Variants in VTI1A observed in about 807,000 individuals in gnomAD.
VTI1A encodes vesicle transport through interaction with t-SNAREs homolog 1A.
A neutral mutation model predicts 34.9 loss-of-function variants in VTI1A; 22 were observed. That is an observed-to-expected ratio of 0.63 (90% CI 0.45 to 0.90). The LOEUF (loss-of-function observed/expected upper bound fraction) is 0.90, where lower values mean the gene tolerates loss of function less well. VTI1A is among the 40% of genes least tolerant of loss of function. The pLI, the probability that VTI1A is intolerant of heterozygous loss-of-function variation, is 0.00. For missense variants in VTI1A, 268 were observed against 275.6 expected, an observed-to-expected ratio of 0.97 and a Z score of 0.20; for synonymous variants, 87 against 97.3, an observed-to-expected ratio of 0.89 and a Z score of 0.62.
rs557629550 is a variant in VTI1A, at chr10:112,657,925, C to T, written c.428-10293C>T. The stretch of plus-strand genomic sequence containing the variant: ...ATGCATGTTTGTTTTCTTTTTAATT[C>T]GTTTTTGTTGTTGTTAATGCAAAGA... On this transcript the variant is annotated intron_variant, in intron 5 of 7. Transcript: ENST00000393077. Among the ~76,000 whole-genome samples, 18 of 151,752 alleles carry T rather than the reference C, an allele frequency of 1.2e-4. No individual in the cohort carries two copies. The South Asian group carries it at 1.9e-3, about 16-fold the overall frequency.
intron 4 of VTI1A, among the ~76,000 whole-genome samples, chr10:112,530,813 T>TA (rs1308752907): frequency 6.6e-6 from 1 of 152,092 alleles, no homozygotes; most frequent in Non-Finnish European, 1.5e-5. Context: ...AAGGTCGGTA[T>TA]CATTTCATAT....
At chr10:112,736,709 T>C in intron 7 of VTI1A, 1 of 1,551,802 alleles carries the variant, frequency 6.4e-7, no homozygotes, top group Non-Finnish European at 8.7e-7. Flanking sequence ...AGGATTTCTC[T>C]TCACTGTTCA....
chr10:112,762,080 T>C (rs902487697), intron 7 of VTI1A, among the ~76,000 whole-genome samples: 9 of 152,172 alleles, frequency 5.9e-5, no homozygotes, highest in African/African-American at 2.2e-4. Flanking sequence ...AAAATCTCTC[T>C]TAAATAAAAA....
intron 7 of VTI1A, among the ~76,000 whole-genome samples, chr10:112,694,558 G>A (rs1848717567): frequency 1.3e-5 from 2 of 152,028 alleles, no homozygotes; most frequent in Non-Finnish European, 2.9e-5. Flanking sequence ...CCTCTGAATG[G>A]CAGAGTTAGT....
At chr10:112,476,566 G>GTGA (rs150917021) in intron 3 of VTI1A, among the ~76,000 whole-genome samples, 5 of 152,284 alleles carry the variant, frequency 3.3e-5, no homozygotes, top group Non-Finnish European at 7.4e-5. Context: ...AGGCCTTAAG[G>GTGA]TGATGGCTCA....
the VTI1A span, among the ~76,000 whole-genome samples, chr10:112,828,907 A>G: frequency 3.3e-5 from 5 of 151,916 alleles, no homozygotes; most frequent in Non-Finnish European, 5.9e-5. Context: ...ACATGGCACC[A>G]GGATCATGAA....
chr10:112,768,374 A>G (rs1161304774), intron 7 of VTI1A, among the ~76,000 whole-genome samples: 9 of 152,182 alleles, frequency 5.9e-5, no homozygotes. Context: ...CATAAGACCA[A>G]AATAGAAGAC....
chr10:112,811,889 G>A (rs1275655731), intron 7 of VTI1A, among the ~76,000 whole-genome samples: 1 of 152,160 alleles, frequency 6.6e-6, no homozygotes, highest in Admixed American at 6.5e-5. Flanking sequence ...GCCACACGCA[G>A]GAGCTCGTTT....
intron 5 of VTI1A, among the ~76,000 whole-genome samples, chr10:112,619,678 C>G (rs1369668854): frequency 1.3e-5 from 2 of 152,220 alleles, no homozygotes; most frequent in African/African-American, 4.8e-5. Context: ...CTCCTCGTGA[C>G]TAGACACAGC....
intron 5 of VTI1A, among the ~76,000 whole-genome samples, chr10:112,598,773 C>G (rs997854821): frequency 4.6e-5 from 7 of 152,136 alleles, no homozygotes; most frequent in Non-Finnish European, 1.0e-4. Flanking sequence ...TTTAAATAAG[C>G]TGGACTCATG....
At chr10:112,642,982 T>C (rs1846633550) in intron 5 of VTI1A, among the ~76,000 whole-genome samples, 1 of 147,566 alleles carries the variant, frequency 6.8e-6, no homozygotes, top group Non-Finnish European at 1.5e-5. Context: ...CTTTTCTTTT[T>C]TTTTTTTTTT....
intron 7 of VTI1A, among the ~76,000 whole-genome samples, chr10:112,763,082 G>A (rs1016182661): frequency 6.6e-6 from 1 of 152,052 alleles, no homozygotes; most frequent in Non-Finnish European, 1.5e-5. Flanking sequence ...GTACCAGTTT[G>A]GTGAGTAGAG....
intron 4 of VTI1A, among the ~76,000 whole-genome samples, chr10:112,537,914 G>A (rs117983353): frequency 6.6e-6 from 1 of 152,124 alleles, no homozygotes; most frequent in Non-Finnish European, 1.5e-5. Flanking sequence ...ATCTATGCAA[G>A]TATCTCATAT....
At chr10:112,481,125 G>A (rs1047809529) in intron 3 of VTI1A, among the ~76,000 whole-genome samples, 1 of 152,088 alleles carries the variant, frequency 6.6e-6, no homozygotes, top group African/African-American at 2.4e-5. Flanking sequence ...CATATGGGTT[G>A]CAGTGCCATT....
chr10:112,711,239 A>G lies in VTI1A; in HGVS notation c.560+42241A>G, dbSNP rs184292550. 1.1e-3 allele frequency among the ~76,000 whole-genome samples: 166 copies of G among 152,318 alleles called. No homozygotes were observed. In the South Asian group the frequency reaches 0.011, roughly 10 times the overall value. On this transcript the variant is annotated intron_variant, in intron 7 of 7. Coordinates refer to ENST00000393077, the MANE Select transcript of VTI1A (RefSeq NM_145206.4). ...TAATTTGGCGAAATCCCAAATCATCAGATTGTGCAGAATAGCCCTTACCAA... is the reference window on the plus strand; with the variant it reads ...TAATTTGGCGAAATCCCAAATCATCGGATTGTGCAGAATAGCCCTTACCAA...
chr10:112,707,671 C>CT (rs1849249485), intron 7 of VTI1A, among the ~76,000 whole-genome samples: 2 of 152,164 alleles, frequency 1.3e-5, no homozygotes, highest in African/African-American at 4.8e-5. Flanking sequence ...ATTCTCCTCC[C>CT]TTTTATGTAT....
chr10:112,818,299 A>T lies in VTI1A; in HGVS notation c.*2916A>T, dbSNP rs1388142329. On this transcript the variant is annotated 3_prime_UTR_variant, in exon 8 of 8. Coordinates refer to ENST00000393077, the MANE Select transcript of VTI1A (RefSeq NM_145206.4). ...GTAAAGAAATAAAGAGGGGGAAAAA[A>T]GCCTGCCTGTTCCAAAAACCTCATC... is the stretch of plus-strand genomic sequence containing the variant. 8.6e-6 allele frequency: 2 copies of T among 232,818 alleles called. No homozygotes were observed. Among genetic ancestry groups the T allele is most frequent in the Non-Finnish European group, 1.7e-5 (2 of 117,628 alleles). The allele number at this position is 232,818 out of a possible 1,614,324, so 14.4% of individuals were successfully genotyped here.
intron 5 of VTI1A, among the ~76,000 whole-genome samples, chr10:112,582,292 G>GTCA (rs1843980666): frequency 6.6e-6 from 1 of 152,122 alleles, no homozygotes; most frequent in African/African-American, 2.4e-5. Flanking sequence ...GACCTCCCCA[G>GTCA]TGTGCATTCT....
intron 2 of VTI1A, among the ~76,000 whole-genome samples, chr10:112,462,171 A>G (rs1437804774): frequency 6.6e-6 from 1 of 152,192 alleles, no homozygotes. Context: ...TTTGATGAGG[A>G]CCTTGGGAGA....
Sources: allele counts gnomAD v4.1 joint callset (sites outside exome capture counted in the v4.1 genomes callset), GRCh38; gene constraint gnomAD v4.1.1; transcripts MANE v1.5; gene names NCBI Gene and HGNC (gene_info 2026-07-23, HGNC 2026-07-21).